Variants in MAPKAPK3 observed in about 807,000 individuals in gnomAD.
The protein encoded by MAPKAPK3 is MAP kinase-activated protein kinase 3.
Under a neutral mutation model 49.2 loss-of-function variants are expected in MAPKAPK3, and 35 were observed. The observed-to-expected ratio is 0.71, with a 90% CI of 0.54 to 0.94. The LOEUF (loss-of-function observed/expected upper bound fraction) is 0.94. Ranked by LOEUF, MAPKAPK3 falls within the 40% of genes least tolerant of loss-of-function variation. MAPKAPK3 has a pLI of 0.00. For synonymous variants in MAPKAPK3, 178 were observed against 188.7 expected, an observed-to-expected ratio of 0.94 and a Z score of 0.46; for missense variants, 398 against 493.1, an observed-to-expected ratio of 0.81 and a Z score of 1.83.
At chr3:50,614,974 A>G (rs1469900116), upstream of MAPKAPK3, among the ~76,000 whole-genome samples, 1 of 152,284 alleles carries the variant, frequency 6.6e-6, no homozygotes, top group African/African-American at 2.4e-5. Flanking sequence ...AGCTTAAAAA[A>G]TACAATTATA....
chr3:50,644,384 C>A, intron 5 of MAPKAPK3, 25 bp from the exon 6 acceptor site: 1 of 1,613,658 alleles, frequency 6.2e-7, no homozygotes, highest in Middle Eastern at 1.7e-4. Flanking sequence ...TAACTCCAAA[C>A]CAATGTTTTC....
At chr3:50,615,708 C>G (rs1278782988), upstream of MAPKAPK3, among the ~76,000 whole-genome samples, 1 of 152,212 alleles carries the variant, frequency 6.6e-6, no homozygotes, top group Non-Finnish European at 1.5e-5. Context: ...AGCATCTGGT[C>G]TGCAAGAAGT....
intron 4 of MAPKAPK3, 58 bp downstream of exon 4, chr3:50,641,829 C>T (rs942748876): frequency 3.5e-6 from 5 of 1,444,378 alleles, no homozygotes; most frequent in South Asian, 2.3e-5. Flanking sequence ...TGGACCAGAG[C>T]GTTGTGTGTG....
chr3:50,646,702 C>G, intron 8 of MAPKAPK3, 38 bp from the exon 9 acceptor site: 12 of 1,493,186 alleles, frequency 8.0e-6, no homozygotes, highest in South Asian at 1.1e-5. Context: ...GCTGGCTCTG[C>G]AATCTCATCT....
At chr3:50,642,109 G>A (rs2033188827) in intron 4 of MAPKAPK3, 144 bp from the exon 5 acceptor site, 1 of 663,408 alleles carries the variant, frequency 1.5e-6, no homozygotes, top group African/African-American at 1.8e-5. Context: ...TAGACATCCC[G>A]GGATAGAGAA....
At chr3:50,641,583 G>A in intron 3 of MAPKAPK3, 124 bp from the exon 4 acceptor site, 2 of 774,808 alleles carry the variant, frequency 2.6e-6, no homozygotes, top group South Asian at 2.9e-5. Context: ...GGCTGACAGT[G>A]GCTGTTCAGT....
intron 6 of MAPKAPK3, 123 bp downstream of exon 6, chr3:50,644,655 T>A (rs1015642913): frequency 9.5e-7 from 1 of 1,050,690 alleles, no homozygotes; most frequent in Non-Finnish European, 1.4e-6. Flanking sequence ...GGGAGAATTC[T>A]GTCTGCATGG....
In MAPKAPK3 at chr3:50,649,239, A is replaced by G. The variant is rs774270247; in HGVS notation, c.*1193A>G. The G allele has an allele frequency of 1.3e-5, 2 of 152,256 alleles. No individual in the cohort carries two copies. The highest frequency in any genetic ancestry group is 2.9e-5 in the Non-Finnish European group (2 of 68,050). The allele number at this position is 152,256 out of a possible 1,614,324, so 9.4% of individuals were successfully genotyped here. A position where few individuals can be genotyped will look rare whatever the true frequency, so the allele number is the denominator to read the frequency against. On this transcript the variant is annotated 3_prime_UTR_variant, in exon 11 of 11. Transcript: ENST00000621469. ...AACCCTAGACCATGTCAGATAGGAC[A>G]ACACTGCTGGGTTTTACATCCAGAT...
intron 5 of MAPKAPK3, among the ~76,000 whole-genome samples, chr3:50,643,868 A>G (rs1472823043): frequency 6.6e-6 from 1 of 151,906 alleles, no homozygotes; most frequent in African/African-American, 2.4e-5. Context: ...AGTTTCAGGG[A>G]CAGACCTCCC....
At chr3:50,646,537 G>C (rs1207116637) in intron 8 of MAPKAPK3, among the ~76,000 whole-genome samples, 1 of 152,210 alleles carries the variant, frequency 6.6e-6, no homozygotes, top group Non-Finnish European at 1.5e-5. Flanking sequence ...TGCCCTGTAT[G>C]AGTTATCTAC....
At chr3:50,615,771 A>G (rs912408910), upstream of MAPKAPK3, among the ~76,000 whole-genome samples, 2 of 152,232 alleles carry the variant, frequency 1.3e-5, no homozygotes, top group African/African-American at 2.4e-5. Flanking sequence ...TTCACTGAAC[A>G]CTGCTAGCTT....
At chr3:50,623,858 G>C (rs1437829275) in intron 2 of MAPKAPK3, among the ~76,000 whole-genome samples, 1 of 152,232 alleles carries the variant, frequency 6.6e-6, no homozygotes, top group Non-Finnish European at 1.5e-5. Flanking sequence ...TGTCCTCTCT[G>C]GCTCCACTGG....
chr3:50,646,310 G>A (rs1221685397), intron 8 of MAPKAPK3, 46 bp downstream of exon 8: 4 of 1,609,550 alleles, frequency 2.5e-6, no homozygotes, highest in Non-Finnish European at 3.4e-6. Flanking sequence ...GGCCCCTGCG[G>A]CTTTCATTCT....
intron 2 of MAPKAPK3, among the ~76,000 whole-genome samples, chr3:50,636,076 A>C (rs892249006): frequency 6.6e-6 from 1 of 151,752 alleles, no homozygotes; most frequent in African/African-American, 2.4e-5. Context: ...GTGTCACTGC[A>C]CTCCAGCCTG....
upstream of MAPKAPK3, chr3:50,611,624 C>A: frequency 6.6e-7 from 1 of 1,520,368 alleles, no homozygotes; most frequent in Non-Finnish European, 8.8e-7. Flanking sequence ...CAGAGAGCCG[C>A]GCTTACCCCT....
intron 2 of MAPKAPK3, among the ~76,000 whole-genome samples, chr3:50,622,072 C>G (rs1475631082): frequency 6.6e-6 from 1 of 152,208 alleles, no homozygotes; most frequent in Non-Finnish European, 1.5e-5. Flanking sequence ...GCTGGGGCTG[C>G]TGCCTCTGGG....
At chr3:50,617,374 G>T in intron 1 of MAPKAPK3, 133 bp downstream of exon 1, 1 of 507,734 alleles carries the variant, frequency 2.0e-6, no homozygotes, top group Non-Finnish European at 3.5e-6. Context: ...ACCGCCCCTT[G>T]CTGCACGTCT....
At chr3:50,614,319 T>C (rs1008781108), upstream of MAPKAPK3, among the ~76,000 whole-genome samples, 1 of 152,148 alleles carries the variant, frequency 6.6e-6, no homozygotes, top group Admixed American at 6.5e-5. Context: ...TCTTCTCTTC[T>C]AGGATAATCC....
At chr3:50,619,865 C>G (rs142121577) in intron 2 of MAPKAPK3, among the ~76,000 whole-genome samples, 2 of 152,306 alleles carry the variant, frequency 1.3e-5, no homozygotes, top group African/African-American at 4.8e-5. Flanking sequence ...CATCAGTGCT[C>G]TCCTTGTTCT....
Sources: allele counts gnomAD v4.1 joint callset (sites outside exome capture counted in the v4.1 genomes callset), GRCh38; gene constraint gnomAD v4.1.1; transcripts MANE v1.5; gene names NCBI Gene and HGNC (gene_info 2026-07-23, HGNC 2026-07-21).